Variants in CNTN4 observed in about 807,000 individuals in gnomAD.
The protein encoded by CNTN4 is contactin 4.
CNTN4 carries 77 observed loss-of-function variants against 122.5 expected under a neutral mutation model. The observed-to-expected ratio is 0.63, with a 90% CI of 0.52 to 0.76. CNTN4 has a LOEUF of 0.76. Among genes scored for constraint, CNTN4 ranks in the 30% least tolerant of loss-of-function variants. The pLI, the probability that CNTN4 is intolerant of heterozygous loss-of-function variation, is 0.00. For synonymous variants in CNTN4, 512 were observed against 447.0 expected (o/e 1.15, Z -1.83); for missense variants, 1,256 against 1,259.1 (o/e 1.00, Z 0.04).
intron 4 of CNTN4, among the ~76,000 whole-genome samples, chr3:2,660,770 G>A (rs17018141): frequency 0.076 from 11,542 of 152,168 alleles, 483 homozygotes; most frequent in Admixed American, 0.14. Flanking sequence ...GCTTTTTTCC[G>A]AAGGCCAGAA....
chr3:2,270,415 G>C (rs1153490), intron 2 of CNTN4, among the ~76,000 whole-genome samples: 87,188 of 151,378 alleles, frequency 0.58, 25,652 homozygotes, highest in South Asian at 0.68. Context: ...TTGGGGAAGG[G>C]GGGGAATGAG....
At chr3:2,124,213 T>C (rs1435664326) in intron 2 of CNTN4, among the ~76,000 whole-genome samples, 1 of 152,118 alleles carries the variant, frequency 6.6e-6, no homozygotes, top group Admixed American at 6.5e-5. Context: ...GAAGGGATTA[T>C]CTGAAAAATA....
chr3:2,151,727 G>A (rs1157736838), intron 2 of CNTN4, among the ~76,000 whole-genome samples: 1 of 152,096 alleles, frequency 6.6e-6, no homozygotes, highest in Non-Finnish European at 1.5e-5. Context: ...TGTCATGAAA[G>A]TGGGACTGGT....
rs565096879 is a variant in CNTN4, at chr3:2,593,774, C to G, written c.55+22216C>G. 1.8e-3 allele frequency among the ~76,000 whole-genome samples: 274 copies of G among 152,178 alleles called. 2 individuals are homozygous for G. The highest frequency in any genetic ancestry group is 6.3e-3 in the African/African-American group (261 of 41,548). On this transcript the variant is annotated intron_variant, in intron 4 of 24. Transcript: ENST00000418658. ...AGTTTTGCCTTATAGCTAAAAGTAT[C>G]TGATAAAAAACTAATCACTTGTCAT...
At chr3:2,827,807 T>C (rs781023025) in intron 7 of CNTN4, among the ~76,000 whole-genome samples, 11 of 152,148 alleles carry the variant, frequency 7.2e-5, no homozygotes, top group African/African-American at 2.2e-4. Flanking sequence ...AGGCACTAGG[T>C]AGACTTAGGC....
intron 23 of CNTN4, among the ~76,000 whole-genome samples, chr3:3,050,731 C>G (rs1000785688): frequency 3.9e-5 from 5 of 128,398 alleles, no homozygotes; most frequent in Admixed American, 9.3e-5. Context: ...CCATCGCACT[C>G]TAGCCTGGGC....
intron 3 of CNTN4, among the ~76,000 whole-genome samples, chr3:2,478,903 T>G (rs972592250): frequency 1.3e-5 from 2 of 152,164 alleles, no homozygotes; most frequent in Non-Finnish European, 1.5e-5. Context: ...TATTTAGCCC[T>G]AATTATATTA....
intron 2 of CNTN4, among the ~76,000 whole-genome samples, chr3:2,217,873 T>C (rs1019533161): frequency 1.3e-5 from 2 of 152,220 alleles, no homozygotes; most frequent in African/African-American, 2.4e-5. Context: ...TCTGAGTGCC[T>C]ACCTAGATGC....
At chr3:2,641,093 C>T (rs1685979269) in intron 4 of CNTN4, among the ~76,000 whole-genome samples, 1 of 152,012 alleles carries the variant, frequency 6.6e-6, no homozygotes, top group Admixed American at 6.6e-5. Context: ...GTACTTAATA[C>T]CCTCAAAATT....
At chr3:2,298,834 T>C (rs116156867) in intron 2 of CNTN4, among the ~76,000 whole-genome samples, 3,551 of 152,298 alleles carry the variant, frequency 0.023, 135 homozygotes, top group African/African-American at 0.081. Context: ...ATGGCCATGA[T>C]AGTTTTTGTG....
chr3:2,626,969 G>T (rs2149992835), intron 4 of CNTN4, among the ~76,000 whole-genome samples: 1 of 152,302 alleles, frequency 6.6e-6, no homozygotes, highest in Admixed American at 6.5e-5. Context: ...TATTTTGTGT[G>T]TCCATACTCA....
At chr3:2,260,550 A>G (rs2149744354) in intron 2 of CNTN4, among the ~76,000 whole-genome samples, 1 of 152,176 alleles carries the variant, frequency 6.6e-6, no homozygotes, top group South Asian at 2.1e-4. Context: ...GACATTAAGG[A>G]CTAGAGTTGG....
At chr3:2,492,409 G>A (rs1365648109) in intron 3 of CNTN4, among the ~76,000 whole-genome samples, 1 of 152,120 alleles carries the variant, frequency 6.6e-6, no homozygotes, top group East Asian at 1.9e-4. Context: ...CATTGGAACT[G>A]AGATGTCATA....
intron 4 of CNTN4, among the ~76,000 whole-genome samples, chr3:2,640,987 A>C (rs952451610): frequency 6.6e-6 from 1 of 152,224 alleles, no homozygotes; most frequent in Non-Finnish European, 1.5e-5. Context: ...AGAGAAAAAA[A>C]TTGGAGGGAG....
intron 7 of CNTN4, among the ~76,000 whole-genome samples, chr3:2,852,423 G>A (rs1211724912): frequency 6.6e-6 from 1 of 152,054 alleles, no homozygotes; most frequent in Non-Finnish European, 1.5e-5. Flanking sequence ...GATTTAGAAT[G>A]GGTCTTCAGA....
At chr3:3,053,231 C>T (rs6768101) in intron 23 of CNTN4, among the ~76,000 whole-genome samples, 33,548 of 152,094 alleles carry the variant, frequency 0.22, 3,890 homozygotes, top group Middle Eastern at 0.31. Flanking sequence ...GACAGGGTTT[C>T]GCCATGTTGG....
At chr3:2,145,923 A>C (rs988659225) in intron 2 of CNTN4, among the ~76,000 whole-genome samples, 1 of 149,334 alleles carries the variant, frequency 6.7e-6, no homozygotes, top group African/African-American at 2.5e-5. Flanking sequence ...GGATGCTGTA[A>C]TTACTACACT....
intron 13 of CNTN4, among the ~76,000 whole-genome samples, chr3:2,983,778 T>C (rs1577502524): frequency 6.6e-6 from 1 of 152,348 alleles, no homozygotes. Flanking sequence ...TACTACACTA[T>C]ATTGCTGTAT....
intron 6 of CNTN4, among the ~76,000 whole-genome samples, chr3:2,751,902 T>C (rs1469938100): frequency 2.0e-5 from 3 of 152,190 alleles, no homozygotes; most frequent in African/African-American, 7.2e-5. Context: ...TGACTAAGTT[T>C]AGAGGGAATC....
Sources: allele counts gnomAD v4.1 joint callset (sites outside exome capture counted in the v4.1 genomes callset), GRCh38; gene constraint gnomAD v4.1.1; transcripts MANE v1.5; gene names NCBI Gene and HGNC (gene_info 2026-07-23, HGNC 2026-07-21).